The following AKAP6 variants were observed in gnomAD, a reference collection of about 807,000 sequenced individuals.
The protein encoded by AKAP6 is A-kinase anchor protein 6.
In AKAP6, 58 loss-of-function variants were observed where a neutral mutation model predicts 188.5. The ratio of observed to expected loss-of-function variants is 0.31; its 90% CI spans 0.25 to 0.38. AKAP6 has a LOEUF of 0.38. Ranked by LOEUF, AKAP6 falls within the 10% of genes least tolerant of loss-of-function variation. AKAP6 has a pLI of 1.00. For missense variants in AKAP6, 2,710 were observed against 2,740.0 expected, an observed-to-expected ratio of 0.99 and a Z score of 0.24; for synonymous variants, 989 against 998.6, an observed-to-expected ratio of 0.99 and a Z score of 0.18.
At chr14:32,513,429 C>G (rs1881357720) in intron 2 of AKAP6, among the ~76,000 whole-genome samples, 1 of 152,154 alleles carries the variant, frequency 6.6e-6, no homozygotes, top group African/African-American at 2.4e-5. Flanking sequence ...GTATACCTGG[C>G]TAATGTTACC....
chr14:32,446,702 T>A (rs996871900), intron 2 of AKAP6, among the ~76,000 whole-genome samples: 4 of 152,086 alleles, frequency 2.6e-5, no homozygotes, highest in Admixed American at 1.3e-4. Flanking sequence ...AGTATAAATA[T>A]TTTATAACTG....
chr14:32,545,209 C>G (rs764319469), intron 3 of AKAP6, 21 bp from the exon 4 acceptor site: 9 of 1,599,230 alleles, frequency 5.6e-6, no homozygotes, highest in Non-Finnish European at 7.7e-6. Context: ...TTACTGAAAC[C>G]ATTGCCATTG....
rs1302012134 is a variant in AKAP6, at chr14:32,481,890, C to T, written c.324+48073C>T. On this transcript the variant is annotated intron_variant, in intron 2 of 13. Coordinates refer to ENST00000280979, the MANE Select transcript of AKAP6 (RefSeq NM_004274.5). ...GAAAAATTATCTCCAATTACTGTTT[C>T]CACTTCCTCTTTTCTCACTGTGATC... is the stretch of plus-strand genomic sequence containing the variant. Among the ~76,000 whole-genome samples, 10 of 152,280 alleles carry T rather than the reference C, an allele frequency of 6.6e-5. No homozygotes were observed. In the East Asian group the frequency reaches 1.5e-3, roughly 23 times the overall value.
At chr14:32,423,066 T>C (rs1217775974) in intron 1 of AKAP6, among the ~76,000 whole-genome samples, 3 of 152,192 alleles carry the variant, frequency 2.0e-5, no homozygotes, top group African/African-American at 7.2e-5. Context: ...CAAAAAACTT[T>C]TTTCAGTAGT....
At chr14:32,723,551 ATGTGTTTATGTGTGTGTG>A (rs1441207123) in intron 9 of AKAP6, among the ~76,000 whole-genome samples, 7 of 143,632 alleles carry the variant, frequency 4.9e-5, no homozygotes, top group African/African-American at 1.8e-4. Flanking sequence ...ATGTGTGCGT[ATGTGTTTATGTGTGTGTG>A]TGTGTGTGTG....
At chr14:32,548,755 G>A (rs1883320711) in intron 4 of AKAP6, among the ~76,000 whole-genome samples, 3 of 152,158 alleles carry the variant, frequency 2.0e-5, no homozygotes, top group Non-Finnish European at 4.4e-5. Context: ...TTCTTCTATA[G>A]TATCATGTTG....
In AKAP6 at chr14:32,834,387, A is replaced by C. The variant is rs78430813; in HGVS notation, c.*4582A>C. On this transcript the variant is annotated 3_prime_UTR_variant, in exon 14 of 14. Transcript: ENST00000280979. ...GGCAAGAAGAGTGAAATTTTGTCTC[A>C]AAAAAAAAAATGTAATATTAATACA... is the stretch of plus-strand genomic sequence containing the variant. 1 of 147,878 alleles carries C rather than the reference A, an allele frequency of 6.8e-6. No individual in the cohort carries two copies. The highest frequency in any genetic ancestry group is 1.5e-5 in the Non-Finnish European group (1 of 66,778). 9.2% of individuals were successfully genotyped at this position (147,878 alleles called of 1,614,324 possible).
At chr14:32,463,868 CAG>C (rs1333742317) in intron 2 of AKAP6, among the ~76,000 whole-genome samples, 2 of 151,812 alleles carry the variant, frequency 1.3e-5, no homozygotes, top group African/African-American at 4.8e-5. Flanking sequence ...AAGAAGGAAA[CAG>C]AGAAGAATCA....
chr14:32,699,081 T>C (rs1215055527), intron 9 of AKAP6, among the ~76,000 whole-genome samples: 1 of 152,170 alleles, frequency 6.6e-6, no homozygotes, highest in Non-Finnish European at 1.5e-5. Flanking sequence ...TGTTTAGAAA[T>C]GTCAGGTTAG....
intron 2 of AKAP6, 125 bp downstream of exon 2, chr14:32,433,942 A>G: frequency 4.7e-6 from 4 of 845,760 alleles, no homozygotes; most frequent in Non-Finnish European, 5.4e-6. Context: ...CAGGTTTCAA[A>G]CCATTATCTT....
At chr14:32,582,703 T>G (rs1594760506) in intron 5 of AKAP6, among the ~76,000 whole-genome samples, 1 of 152,186 alleles carries the variant, frequency 6.6e-6, no homozygotes, top group Non-Finnish European at 1.5e-5. Flanking sequence ...TATTCTTTTT[T>G]CTCTAAACTT....
chr14:32,475,511 T>C (rs1427554168), intron 2 of AKAP6, among the ~76,000 whole-genome samples: 1 of 152,194 alleles, frequency 6.6e-6, no homozygotes, highest in African/African-American at 2.4e-5. Flanking sequence ...TTGACAATTC[T>C]ATGCAGAGCA....
At chr14:32,466,739 CAAA>C (rs71432057) in intron 2 of AKAP6, among the ~76,000 whole-genome samples, 4 of 106,182 alleles carry the variant, frequency 3.8e-5, no homozygotes, top group Admixed American at 1.0e-4. Flanking sequence ...ACTTAAAGTT[CAAA>C]AAAAAAAAAA....
chr14:32,376,684 G>A (rs1176244273), intron 1 of AKAP6, among the ~76,000 whole-genome samples: 1 of 152,010 alleles, frequency 6.6e-6, no homozygotes, highest in East Asian at 1.9e-4. Context: ...GAATAAGAAG[G>A]GTATATGTTT....
At chr14:32,477,951 A>G (rs1376801608) in intron 2 of AKAP6, among the ~76,000 whole-genome samples, 4 of 152,182 alleles carry the variant, frequency 2.6e-5, no homozygotes, top group African/African-American at 9.7e-5. Context: ...ATTGCTTAAA[A>G]TGATGCCTGG....
chr14:32,572,323 T>C (rs955592970), intron 4 of AKAP6, among the ~76,000 whole-genome samples: 2 of 152,262 alleles, frequency 1.3e-5, no homozygotes, highest in African/African-American at 2.4e-5. Flanking sequence ...CCATTTCCTC[T>C]TGTAGAGACA....
chr14:32,423,275 T>G (rs1171309561), intron 1 of AKAP6, among the ~76,000 whole-genome samples: 1 of 152,122 alleles, frequency 6.6e-6, no homozygotes, highest in Non-Finnish European at 1.5e-5. Flanking sequence ...GATCAGATGA[T>G]CCTCCCACCT....
rs566468438 is a variant in AKAP6, at chr14:32,567,383, A to G, written c.2347-9737A>G. Among the ~76,000 whole-genome samples, 20 of 152,080 alleles carry G rather than the reference A, an allele frequency of 1.3e-4. No homozygotes were observed. In the South Asian group the frequency reaches 3.7e-3, roughly 28 times the overall value. ...TTCCAAACAGATGTGTTTAGATAATACTGTTTTCTGTCTTCTTGGCTCCCA... is the reference window on the plus strand; with the variant it reads ...TTCCAAACAGATGTGTTTAGATAATGCTGTTTTCTGTCTTCTTGGCTCCCA... On this transcript the variant is annotated intron_variant, in intron 4 of 13. Transcript: ENST00000280979.
chr14:32,418,819 T>G (rs1051991433), intron 1 of AKAP6, among the ~76,000 whole-genome samples: 2 of 152,190 alleles, frequency 1.3e-5, no homozygotes, highest in Non-Finnish European at 2.9e-5. Flanking sequence ...GAAGGTGAAT[T>G]TGTATTGAGC....
Sources: gnomAD v4.1 joint callset for allele counts (sites outside exome capture counted in the v4.1 genomes callset) on GRCh38, gnomAD v4.1.1 for gene constraint, MANE v1.5 for transcripts, NCBI Gene and HGNC (gene_info 2026-07-23, HGNC 2026-07-21) for gene names.